GLI3: variants seen among roughly 807,000 people sequenced by gnomAD.
The protein encoded by GLI3 is GLI family zinc finger 3.
A neutral mutation model predicts 100.8 loss-of-function variants in GLI3; 20 were observed. That is an observed-to-expected ratio of 0.20 (90% CI 0.14 to 0.29). The LOEUF (loss-of-function observed/expected upper bound fraction) is 0.29. Ranked by LOEUF, GLI3 falls within the 10% of genes least tolerant of loss-of-function variation. The probability of loss-of-function intolerance (pLI) is 1.00; values close to 1 mark genes in which losing one functional copy is unlikely to be tolerated. For synonymous variants in GLI3, 938 were observed against 860.5 expected (o/e 1.09, Z -1.58); for missense variants, 2,040 against 2,128.5 (o/e 0.96, Z 0.82).
At chr7:42,172,852 A>G (rs914613565) in intron 2 of GLI3, among the ~76,000 whole-genome samples, 2 of 152,238 alleles carry the variant, frequency 1.3e-5, no homozygotes, top group African/African-American at 4.8e-5. Context: ...TCTCACAGCA[A>G]CCTTGCAAAT....
Position 41,977,742 on chromosome 7 carries a change from C to A in GLI3, c.1648-20G>T, listed in dbSNP as rs1787547710. 1.2e-6 allele frequency: 2 copies of A among 1,610,204 alleles called. No homozygotes were observed. The highest frequency in any genetic ancestry group is 2.7e-5 in the African/African-American group (2 of 74,848). On this transcript the variant is annotated intron_variant, in intron 11 of 14. Coordinates refer to ENST00000395925, the MANE Select transcript of GLI3 (RefSeq NM_000168.6). Reference sequence around the variant, plus strand: ...TTCAAACTGAGGACAACAGGTAAATCTGGATTACTCTGCACAATGGCAACA... The same window carrying A: ...TTCAAACTGAGGACAACAGGTAAATATGGATTACTCTGCACAATGGCAACA...
chr7:42,138,424 C>T (rs1390835826), intron 3 of GLI3, among the ~76,000 whole-genome samples: 1 of 152,182 alleles, frequency 6.6e-6, no homozygotes, highest in African/African-American at 2.4e-5. Flanking sequence ...GTAAACTGCA[C>T]ATTTGATCAA....
chr7:42,069,589 A>G (rs1346406131), intron 4 of GLI3, among the ~76,000 whole-genome samples: 1 of 152,224 alleles, frequency 6.6e-6, no homozygotes, highest in Non-Finnish European at 1.5e-5. Flanking sequence ...ATAGCAGTAG[A>G]AAAGCATAAA....
At chr7:42,147,125 G>A (rs573577236) in intron 3 of GLI3, among the ~76,000 whole-genome samples, 26 of 152,266 alleles carry the variant, frequency 1.7e-4, no homozygotes, top group African/African-American at 5.5e-4. Context: ...GGGAGGTGGT[G>A]CGGGGTAGCG....
rs556774224 is a variant in GLI3, at chr7:42,133,085, A to C, written c.367+15141T>G. 5.9e-5 allele frequency among the ~76,000 whole-genome samples: 9 copies of C among 152,342 alleles called. No homozygotes were observed. In the South Asian group the frequency reaches 1.9e-3, roughly 32 times the overall value. ...GGCCTTCAATATTAATTCCTAAAAG[A>C]AATACTTTTTTTTAGAAATTAACTT... On this transcript the variant is annotated intron_variant, in intron 3 of 14. Transcript: ENST00000395925.
chr7:41,983,275 G>A lies in GLI3; in HGVS notation c.1498-4527C>T, dbSNP rs540445779. On this transcript the variant is annotated intron_variant, in intron 10 of 14. Transcript: ENST00000395925. ...GTTCTAGTGCCAGAGAAAAGAAAAGGCAGTAGGAAGGACTGAAAATCAGGA... is the reference window on the plus strand; with the variant it reads ...GTTCTAGTGCCAGAGAAAAGAAAAGACAGTAGGAAGGACTGAAAATCAGGA... 6.1e-4 allele frequency among the ~76,000 whole-genome samples: 93 copies of A among 152,258 alleles called. 1 individual carries two copies. The highest frequency in any genetic ancestry group is 2.1e-3 in the African/African-American group (89 of 41,542).
intron 2 of GLI3, among the ~76,000 whole-genome samples, chr7:42,222,068 C>T (rs964856248): frequency 1.3e-5 from 2 of 152,162 alleles, no homozygotes; most frequent in African/African-American, 4.8e-5. Context: ...AGGCTCTCAG[C>T]AGACATGGAG....
chr7:42,048,662 C>A lies in GLI3; in HGVS notation c.508G>T (p.Asp170Tyr), dbSNP rs570058828. Reference protein sequence around the residue: ...SALSSSPTYPDLPFIRISPHR... With the variant: ...SALSSSPTYPYLPFIRISPHR... ...GGGGAGATCCTAATGAAGGGCAGGT[C>A]CGGATACGTAGGGCTACTAGATAAG... Residue 170 changes from aspartate (D) to tyrosine (Y), a missense_variant, in exon 5 of 15, where the codon GAC becomes TAC. Around this residue, in one of 5 missense-constraint regions of GLI3, gnomAD observed 603 missense variants for 690.9 expected, o/e 0.87. Transcript: ENST00000395925. 1 of 1,609,542 alleles carries A rather than the reference C, an allele frequency of 6.2e-7. No homozygotes were observed. Among genetic ancestry groups the A allele is most frequent in the Non-Finnish European group, 8.5e-7 (1 of 1,179,066 alleles).
intron 12 of GLI3, among the ~76,000 whole-genome samples, chr7:41,976,570 T>C (rs1034835155): frequency 1.3e-5 from 2 of 152,230 alleles, no homozygotes; most frequent in African/African-American, 4.8e-5. Flanking sequence ...ATGAATGTGT[T>C]TGACCTGCAC....
chr7:41,986,784 T>G (rs1018238179), intron 10 of GLI3, among the ~76,000 whole-genome samples: 1 of 151,700 alleles, frequency 6.6e-6, no homozygotes, highest in African/African-American at 2.4e-5. Context: ...ACATACGAAT[T>G]GCTGTATACT....
chr7:42,261,125 G>T (rs1392094296), intron 1 of GLI3, among the ~76,000 whole-genome samples: 1 of 152,106 alleles, frequency 6.6e-6, no homozygotes, highest in Non-Finnish European at 1.5e-5. Context: ...GCATCAGGAA[G>T]CTGACAATCA....
Position 41,998,563 on chromosome 7 carries a change from C to T in GLI3, c.1498-19815G>A, listed in dbSNP as rs571721821. Among the ~76,000 whole-genome samples the T allele has an allele frequency of 2.6e-5, 4 of 152,270 alleles. No individual in the cohort carries two copies. In the South Asian group the frequency reaches 8.3e-4, roughly 32 times the overall value. On this transcript the variant is annotated intron_variant, in intron 10 of 14. Coordinates refer to ENST00000395925, the MANE Select transcript of GLI3 (RefSeq NM_000168.6). ...ACCTCTAACTTTTAACACCTCTCAT[C>T]AGACTATGAAGTACAAAATCCATTA...
chr7:42,237,342 C>A (rs1305924809), upstream of GLI3, among the ~76,000 whole-genome samples: 1 of 152,006 alleles, frequency 6.6e-6, no homozygotes, highest in South Asian at 2.1e-4. Context: ...TTGGTTCAAC[C>A]GCGGGAGGGA....
chr7:42,228,712 A>C (rs1788633977), intron 1 of GLI3, among the ~76,000 whole-genome samples: 1 of 152,208 alleles, frequency 6.6e-6, no homozygotes, highest in South Asian at 2.1e-4. Flanking sequence ...TCACAAAACC[A>C]ATAGGTGTGT....
chr7:42,225,918 C>T (rs1489186826), intron 1 of GLI3, among the ~76,000 whole-genome samples: 5 of 152,152 alleles, frequency 3.3e-5, no homozygotes, highest in Admixed American at 6.5e-5. Flanking sequence ...ACTTAGTTCA[C>T]GTAAGAATGT....
At chr7:42,097,852 G>C (rs1268736184) in intron 3 of GLI3, among the ~76,000 whole-genome samples, 1 of 152,078 alleles carries the variant, frequency 6.6e-6, no homozygotes, top group Non-Finnish European at 1.5e-5. Flanking sequence ...ACAGATGTCA[G>C]GGTATATGTT....
In GLI3 at chr7:42,165,817, T is replaced by C. The variant is rs996299191; in HGVS notation, c.125-17349A>G. Among the ~76,000 whole-genome samples, 6 of 152,342 alleles carry C rather than the reference T, an allele frequency of 3.9e-5. No individual in the cohort carries two copies. In the East Asian group the frequency reaches 9.6e-4, roughly 24 times the overall value. On this transcript the variant is annotated intron_variant, in intron 2 of 14. Transcript: ENST00000395925. ...ATAATTCAATCAAAAATGTAGAATC[T>C]AGTCTTGCAAACAAAGTTAAAACCA...
At chr7:42,083,992 AAAGT>A (rs1350230194) in intron 3 of GLI3, among the ~76,000 whole-genome samples, 1 of 152,232 alleles carries the variant, frequency 6.6e-6, no homozygotes, top group Non-Finnish European at 1.5e-5. Context: ...TTAACAATAA[AAAGT>A]AAGCTATTTC....
At position 41,965,454 on chromosome 7, in the gene GLI3, T is replaced by C. The variant is rs1443956002; in HGVS notation, c.3619A>G (p.Ser1207Gly). The change falls in exon 15 of 15, where the codon AGC (serine) becomes GGC (glycine). Residue 1207 changes from serine (S) to glycine (G), a missense_variant. Physicochemically the swap from Ser to Gly is moderately conservative, Grantham distance 56. Transcript: ENST00000395925. ...MVVHPQNPLR[S>G]GPAGGYQTLG... Reference sequence around the variant, plus strand: ...GTCTGATAGCCCCCAGCAGGCCCGCTCCTCAAGGGGTTCTGCGGGTGGACG... The same window carrying C: ...GTCTGATAGCCCCCAGCAGGCCCGCCCCTCAAGGGGTTCTGCGGGTGGACG... 1.9e-6 allele frequency: 3 copies of C among 1,608,044 alleles called. No individual in the cohort carries two copies. Among genetic ancestry groups the C allele is most frequent in the Admixed American group, 1.7e-5 (1 of 59,930 alleles).
Sources: gnomAD v4.1 joint callset for allele counts (sites outside exome capture counted in the v4.1 genomes callset) on GRCh38, gnomAD v4.1.1 for gene constraint, gnomAD v4.1.1 regional missense constraint, MANE v1.5 for transcripts, NCBI Gene and HGNC (gene_info 2026-07-23, HGNC 2026-07-21) for gene names.